IFFO2: variants seen among roughly 807,000 people sequenced by gnomAD.
The protein encoded by IFFO2 is intermediate filament family orphan 2.
IFFO2 carries 19 observed loss-of-function variants against 53.5 expected under a neutral mutation model. That is an observed-to-expected ratio of 0.36 (90% confidence interval 0.25 to 0.52). The LOEUF (loss-of-function observed/expected upper bound fraction) is 0.52. IFFO2 is among the 20% of genes least tolerant of loss of function. IFFO2 has a pLI of 0.94. For missense variants in IFFO2, 570 were observed against 727.4 expected (o/e 0.78, Z 2.49); for synonymous variants, 303 against 313.6 (o/e 0.97, Z 0.36).
chr1:18,953,226 G>A (rs923436467), intron 1 of IFFO2, among the ~76,000 whole-genome samples: 1 of 152,164 alleles, frequency 6.6e-6, no homozygotes, highest in Non-Finnish European at 1.5e-5. Flanking sequence ...GATCAGAAGC[G>A]GGCTGGGAGC....
chr1:18,947,388 A>T lies in IFFO2; in HGVS notation c.665+8280T>A, dbSNP rs867838851. On this transcript the variant is annotated intron_variant, in intron 1 of 8. Transcript: ENST00000455833. The surrounding 1 kb of genome is among the most constrained non-coding windows in gnomAD (Gnocchi z 5.0). ...AAATGGAGCATTAATTGAGAGCCTG[A>T]GATCCACAGCCTGCCCCAGCTTTGC... is the stretch of plus-strand genomic sequence containing the variant. Among the ~76,000 whole-genome samples, 1 of 152,212 alleles carries T rather than the reference A, an allele frequency of 6.6e-6. No homozygotes were observed. Among genetic ancestry groups the T allele is most frequent in the African/African-American group, 2.4e-5 (1 of 41,452 alleles).
intron 1 of IFFO2, among the ~76,000 whole-genome samples, chr1:18,942,230 G>C (rs78932381): frequency 6.6e-6 from 1 of 152,198 alleles, no homozygotes; most frequent in Non-Finnish European, 1.5e-5. Flanking sequence ...GAGCTGGAAG[G>C]CTTGAGAACT....
chr1:18,911,820 T>C, intron 6 of IFFO2, 143 bp downstream of exon 6: 2 of 1,075,012 alleles, frequency 1.9e-6, no homozygotes, highest in Non-Finnish European at 2.6e-6. Flanking sequence ...ATTACAGGCA[T>C]GAGCCACTGC....
chr1:18,935,699 T>C lies in IFFO2; in HGVS notation c.666-14578A>G, dbSNP rs1936438862. On this transcript the variant is annotated intron_variant, in intron 1 of 8. Transcript: ENST00000455833. ...TCTTTCTTTTCTCTCTCTCCTTCTG[T>C]CTTTTTTTTTTTTTTTGAGATAAGA... Among the ~76,000 whole-genome samples, 3 of 111,422 alleles carry C rather than the reference T, an allele frequency of 2.7e-5. No homozygotes were observed. The South Asian group carries it at 7.1e-4, about 27-fold the overall frequency. 73.1% of individuals were successfully genotyped at this position (111,422 alleles called of 152,430 possible).
intron 1 of IFFO2, among the ~76,000 whole-genome samples, chr1:18,951,871 T>C (rs1057423393): frequency 1.9e-4 from 29 of 152,022 alleles, no homozygotes. Context: ...GCGAACACAG[T>C]GTGGTCTCCA....
In IFFO2 at chr1:18,930,925, C is replaced by CT. The variant is rs570072234; in HGVS notation, c.666-9805dup. Among the ~76,000 whole-genome samples, 176 of 152,302 alleles carry CT rather than the reference C, an allele frequency of 1.2e-3. 2 individuals are homozygous for CT. The highest frequency in any genetic ancestry group is 4.2e-3 in the African/African-American group (175 of 41,562). ...GTGGCTCACGGCTGTAATCCCAACA[C>CT]TTTGGGAGGCTGAGGCAGGAGGATC... On this transcript the variant is annotated intron_variant, in intron 1 of 8. Coordinates refer to ENST00000455833, the MANE Select transcript of IFFO2 (RefSeq NM_001136265.2).
In IFFO2 at chr1:18,910,469, C is replaced by T. The variant is rs1409478206; in HGVS notation, c.1321G>A (p.Glu441Lys). 3 of 1,611,600 alleles carry T rather than the reference C, an allele frequency of 1.9e-6. No homozygotes were observed. The highest frequency in any genetic ancestry group is 1.7e-6 in the Non-Finnish European group (2 of 1,178,856). The change falls in exon 8 of 9, where the codon GAG becomes AAG. Residue 441 changes from glutamate to lysine, a missense_variant. Coordinates refer to ENST00000455833, the MANE Select transcript of IFFO2 (RefSeq NM_001136265.2). The stretch of plus-strand genomic sequence containing the variant: ...ATGTCACTTTTGGCTGTGGCCAGCT[C>T]GAGCTGGGAGGAACCAATGAGGAAT... ...YQETIGQIEL[E>K]LATAKSDMNR...
At chr1:18,934,199 C>T (rs920662916) in intron 1 of IFFO2, among the ~76,000 whole-genome samples, 2 of 151,332 alleles carry the variant, frequency 1.3e-5, no homozygotes, top group Non-Finnish European at 2.9e-5. Flanking sequence ...TCTGGAGCAG[C>T]TGGGACTATA....
At chr1:18,909,804 C>T (rs1277830391) in intron 8 of IFFO2, among the ~76,000 whole-genome samples, 2 of 152,066 alleles carry the variant, frequency 1.3e-5, no homozygotes, top group African/African-American at 4.8e-5. Flanking sequence ...TGCTATGTTG[C>T]CCAAGCTAGC....
intron 1 of IFFO2, among the ~76,000 whole-genome samples, chr1:18,923,621 C>A (rs1212766846): frequency 6.6e-6 from 1 of 152,212 alleles, no homozygotes; most frequent in Non-Finnish European, 1.5e-5. Context: ...GATGAGGGAG[C>A]TGAGGTTCAA....
chr1:18,938,508 G>A (rs182264337), intron 1 of IFFO2, among the ~76,000 whole-genome samples: 122 of 152,300 alleles, frequency 8.0e-4, no homozygotes, highest in African/African-American at 2.6e-3. Context: ...CCAGCACACC[G>A]TAGGCCCTCA....
chr1:18,946,330 G>A (rs1036694759), intron 1 of IFFO2, among the ~76,000 whole-genome samples: 2 of 152,012 alleles, frequency 1.3e-5, no homozygotes, highest in Non-Finnish European at 2.9e-5. Flanking sequence ...CAATGGGCAC[G>A]GCCCTTTCTG....
chr1:18,956,252 G>T lies in IFFO2; in HGVS notation c.81C>A (p.Gly27=), dbSNP rs1203525449. ...PPGGGGGGCP[G]GGGGGGGAGP... ...CTGCCCCGCCGCCGCCGCCGCCCCC[G>T]CCAGGGCAGCCCCCGCCGCCGCCGC... Residue 27 remains glycine (G), a synonymous_variant, in exon 1 of 9, where the codon GGC becomes GGA. Transcript: ENST00000455833. This position sits in a 1 kb window ranked among gnomAD's most constrained non-coding sequence, Gnocchi z 6.4. 5.6e-6 allele frequency: 6 copies of T among 1,068,938 alleles called. No homozygotes were observed. The highest frequency in any genetic ancestry group is 4.3e-5 in the Admixed American group (1 of 23,196). The allele number at this position is 1,068,938 out of a possible 1,614,324, so 66.2% of individuals were successfully genotyped here. A position where few individuals can be genotyped will look rare whatever the true frequency, so the allele number is the denominator to read the frequency against.
At chr1:18,954,928 C>G (rs1001205379) in intron 1 of IFFO2, among the ~76,000 whole-genome samples, 3 of 152,114 alleles carry the variant, frequency 2.0e-5, no homozygotes, top group Non-Finnish European at 4.4e-5. Flanking sequence ...AACCATGAGA[C>G]TCAGGGAGTG....
At chr1:18,913,139 G>A (rs1569831557) in intron 5 of IFFO2, among the ~76,000 whole-genome samples, 1 of 152,244 alleles carries the variant, frequency 6.6e-6, no homozygotes, top group African/African-American at 2.4e-5. Flanking sequence ...AACAATGAGT[G>A]TTCCCAATGG....
intron 1 of IFFO2, among the ~76,000 whole-genome samples, chr1:18,929,861 T>C (rs1013293948): frequency 1.3e-5 from 2 of 152,156 alleles, no homozygotes; most frequent in African/African-American, 4.8e-5. Flanking sequence ...AGTAATGCAA[T>C]GATGTCAAAC....
intron 1 of IFFO2, among the ~76,000 whole-genome samples, chr1:18,950,647 G>C (rs1422879839): frequency 6.6e-6 from 1 of 152,206 alleles, no homozygotes; most frequent in Non-Finnish European, 1.5e-5. Flanking sequence ...CAGAAATAAC[G>C]AAAGTGTCAA....
intron 1 of IFFO2, among the ~76,000 whole-genome samples, chr1:18,937,425 G>A (rs530565349): frequency 1.3e-5 from 2 of 152,312 alleles, no homozygotes; most frequent in African/African-American, 2.4e-5. Context: ...TCATCATGGC[G>A]GGCCCTGGCA....
At chr1:18,940,685 A>C (rs1041630678) in intron 1 of IFFO2, among the ~76,000 whole-genome samples, 1 of 152,192 alleles carries the variant, frequency 6.6e-6, no homozygotes, top group Admixed American at 6.5e-5. Context: ...AGAAGGTCCT[A>C]GGTGTCCCCT....
Sources: allele counts gnomAD v4.1 joint callset (sites outside exome capture counted in the v4.1 genomes callset), GRCh38; gene constraint gnomAD v4.1.1; non-coding constraint Gnocchi (gnomAD v3.1); transcripts MANE v1.5; gene names NCBI Gene and HGNC (gene_info 2026-07-23, HGNC 2026-07-21).